The following TUSC3 variants were observed in gnomAD, a reference collection of about 807,000 sequenced individuals.
TUSC3 encodes the protein tumor suppressor candidate 3, also known as dolichyl-diphosphooligosaccharide--protein glycosyltransferase subunit TUSC3.
A neutral mutation model predicts 44.8 loss-of-function variants in TUSC3; 45 were observed. The observed-to-expected ratio is 1.00, with a 90% CI of 0.79 to 1.29. The LOEUF is 1.29. Among genes scored for constraint, TUSC3 ranks in the 50% most tolerant of loss-of-function variants. The probability of loss-of-function intolerance (pLI) is 0.00; values close to 1 mark genes in which losing one functional copy is unlikely to be tolerated. For synonymous variants in TUSC3, 212 were observed against 152.9 expected, an observed-to-expected ratio of 1.39 and a Z score of -2.85; for missense variants, 519 against 437.9, an observed-to-expected ratio of 1.19 and a Z score of -1.65.
chr8:15,693,339 A>C (rs1028882319), intron 6 of TUSC3, among the ~76,000 whole-genome samples: 11 of 149,436 alleles, frequency 7.4e-5, no homozygotes, highest in African/African-American at 2.5e-4. Context: ...ACCTCTATTG[A>C]GGTGGTTCTG....
intron 6 of TUSC3, among the ~76,000 whole-genome samples, chr8:15,715,709 AATT>A (rs1290206136): frequency 2.0e-5 from 3 of 152,068 alleles, no homozygotes; most frequent in Admixed American, 6.6e-5. Flanking sequence ...GAAAAAAAAA[AATT>A]ATTTCACATT....
chr8:15,830,177 C>A, the TUSC3 span, among the ~76,000 whole-genome samples: 1 of 151,830 alleles, frequency 6.6e-6, no homozygotes, highest in East Asian at 1.9e-4. Context: ...GAGTTCTTCG[C>A]AGATTCTGGA....
intron 6 of TUSC3, chr8:15,688,923 G>A (rs71524160): frequency 0.01 from 1,872 of 179,126 alleles, 16 homozygotes; most frequent in Non-Finnish European, 0.017. Context: ...GTGCACCAGG[G>A]GTCGCCTGCT....
chr8:15,477,364 C>A (rs1041187970), intron 1 of TUSC3, among the ~76,000 whole-genome samples: 4 of 152,150 alleles, frequency 2.6e-5, no homozygotes, highest in Non-Finnish European at 4.4e-5. Context: ...ATAGTTAATA[C>A]TGCTAATAAT....
In TUSC3 at chr8:15,659,622, G is replaced by A. The variant is rs747071871; in HGVS notation, c.542G>A (p.Trp181Ter). ...IGFAAEQLAK[W>*]IADRTDVHIR... ...TTTGCAGCTGAGCAACTAGCAAAGT[G>A]GATTGCTGACAGAACGGATGTTCAT... is the stretch of plus-strand genomic sequence containing the variant. The change falls in exon 4 of 11, where the codon TGG becomes TAG. Residue 181 changes from tryptophan (W) to a stop codon, truncating the protein, a stop_gained. Coordinates refer to ENST00000503731, the MANE Select transcript of TUSC3 (RefSeq NM_006765.4). LOFTEE classifies it high-confidence loss of function. The A allele has an allele frequency of 9.9e-6, 16 of 1,613,078 alleles. No individual in the cohort carries two copies. The highest frequency in any genetic ancestry group is 1.4e-5 in the Non-Finnish European group (16 of 1,179,664).
chr8:15,790,806 G>T, the TUSC3 span, among the ~76,000 whole-genome samples: 1 of 152,112 alleles, frequency 6.6e-6, no homozygotes, highest in East Asian at 1.9e-4. Context: ...ATTCAATATG[G>T]CTGAGATGTC....
intron 2 of TUSC3, among the ~76,000 whole-genome samples, chr8:15,637,360 TTCTG>T (rs1205583476): frequency 2.6e-5 from 4 of 152,304 alleles, no homozygotes; most frequent in South Asian, 2.1e-4. Context: ...TCTGCGTGGA[TTCTG>T]TCTGTTTTGC....
chr8:15,421,703 G>C (rs972910113), intron 1 of TUSC3, among the ~76,000 whole-genome samples: 3 of 152,092 alleles, frequency 2.0e-5, no homozygotes, highest in African/African-American at 7.2e-5. Context: ...TGTTAAAGGT[G>C]CCTATTCATG....
chr8:15,803,723 C>T, the TUSC3 span, among the ~76,000 whole-genome samples: 7 of 152,074 alleles, frequency 4.6e-5, no homozygotes, highest in African/African-American at 1.7e-4. Flanking sequence ...TGCCTCACCC[C>T]CTGGCAGGCC....
intron 1 of TUSC3, among the ~76,000 whole-genome samples, chr8:15,588,760 C>G (rs1236082978): frequency 2.6e-5 from 4 of 152,098 alleles, no homozygotes; most frequent in Non-Finnish European, 5.9e-5. Context: ...AGTTCACTTT[C>G]TGCATATGGA....
At chr8:15,425,693 C>T (rs1799795255) in intron 1 of TUSC3, among the ~76,000 whole-genome samples, 1 of 152,306 alleles carries the variant, frequency 6.6e-6, no homozygotes, top group East Asian at 1.9e-4. Flanking sequence ...TTATATTATT[C>T]TCTACGTTTT....
At chr8:15,544,536 A>G (rs566281969) in intron 1 of TUSC3, among the ~76,000 whole-genome samples, 12 of 152,020 alleles carry the variant, frequency 7.9e-5, no homozygotes, top group African/African-American at 2.9e-4. Context: ...TAAATAAAAC[A>G]TATTTCAATT....
intron 1 of TUSC3, among the ~76,000 whole-genome samples, chr8:15,567,152 A>G (rs1802707965): frequency 6.6e-6 from 1 of 152,148 alleles, no homozygotes; most frequent in Admixed American, 6.5e-5. Flanking sequence ...AGCCAGATCC[A>G]AGATTCTTTG....
intron 2 of TUSC3, among the ~76,000 whole-genome samples, chr8:15,512,074 G>C (rs554422528): frequency 6.6e-6 from 1 of 152,112 alleles, no homozygotes; most frequent in Admixed American, 6.5e-5. Flanking sequence ...TTGAAAAAGA[G>C]GAACAATGTT....
At chr8:15,790,500 A>C in the TUSC3 span, among the ~76,000 whole-genome samples, 1 of 151,934 alleles carries the variant, frequency 6.6e-6, no homozygotes, top group Admixed American at 6.6e-5. Context: ...GGCATTTGTA[A>C]ACTGTCATGG....
At chr8:15,784,043 C>T in the TUSC3 span, among the ~76,000 whole-genome samples, 1 of 151,876 alleles carries the variant, frequency 6.6e-6, no homozygotes, top group South Asian at 2.1e-4. Context: ...GGCAATGGAC[C>T]CGAGTAGACA....
At chr8:15,840,227 TG>T in the TUSC3 span, among the ~76,000 whole-genome samples, 1 of 151,764 alleles carries the variant, frequency 6.6e-6, no homozygotes. Context: ...GGACTTGTTG[TG>T]GGGTGGGGGA....
intron 3 of TUSC3, among the ~76,000 whole-genome samples, chr8:15,655,362 C>G (rs1807108388): frequency 6.6e-6 from 1 of 152,146 alleles, no homozygotes; most frequent in African/African-American, 2.4e-5. Flanking sequence ...GGAAAAATGC[C>G]TCAAATGAGC....
chr8:15,697,128 TC>T (rs1809203906), intron 6 of TUSC3, among the ~76,000 whole-genome samples: 1 of 152,198 alleles, frequency 6.6e-6, no homozygotes, highest in Non-Finnish European at 1.5e-5. Context: ...CTGTAATATG[TC>T]CCTTTTCATT....
Sources: gnomAD v4.1 joint callset for allele counts (sites outside exome capture counted in the v4.1 genomes callset) on GRCh38, gnomAD v4.1.1 for gene constraint, MANE v1.5 for transcripts, NCBI Gene and HGNC (gene_info 2026-07-23, HGNC 2026-07-21) for gene names.